ITGB7: variants seen among roughly 807,000 people sequenced by gnomAD.
ITGB7 encodes integrin beta-7.
Under a neutral mutation model 83.4 loss-of-function variants are expected in ITGB7, and 55 were observed. That is an observed-to-expected ratio of 0.66 (90% CI 0.53 to 0.83). The LOEUF is 0.83. Ranked by LOEUF, ITGB7 falls within the 40% of genes least tolerant of loss-of-function variation. The pLI is 0.00. For synonymous variants in ITGB7, 454 were observed against 423.6 expected (o/e 1.07, Z -0.88); for missense variants, 921 against 1,046.7 (o/e 0.88, Z 1.66).
At chr12:53,198,831 C>T (rs893465218) in intron 3 of ITGB7, among the ~76,000 whole-genome samples, 1 of 152,206 alleles carries the variant, frequency 6.6e-6, no homozygotes, top group Non-Finnish European at 1.5e-5. Context: ...GAAGAGGAGG[C>T]GTCCTCCCCA....
At chr12:53,202,797 C>T (rs1942350053) in intron 1 of ITGB7, among the ~76,000 whole-genome samples, 2 of 152,066 alleles carry the variant, frequency 1.3e-5, no homozygotes, top group South Asian at 2.1e-4. Flanking sequence ...CCCGTCTCTA[C>T]TAAAAATACA....
Position 53,195,640 on chromosome 12 carries a change from G to C in ITGB7, c.1057C>G (p.Leu353Val). 2 of 1,613,862 alleles carry C rather than the reference G, an allele frequency of 1.2e-6. No homozygotes were observed. The highest frequency in any genetic ancestry group is 1.1e-5 in the South Asian group (1 of 91,076). Residue 353 changes from leucine (L) to valine (V), a missense_variant, in exon 8 of 16, where the codon CTG (leucine) becomes GTG (valine). By Grantham distance (32) the Leu-to-Val change is conservative. Coordinates refer to ENST00000267082, the MANE Select transcript of ITGB7 (RefSeq NM_000889.3). ...ACAGCTCTCACCTGGTAGACAGGCA[G>C]TGCGGCACTGGTGACAGCAAAGATG... ...QPIFAVTSAA[L>V]PVYQELSKLI... is the part of the protein sequence containing the mutation.
Position 53,196,806 on chromosome 12 carries a change from C to T in ITGB7, c.589G>A (p.Val197Met). ...ACAAAGGGCAGCACCGTTTTGTCCA[C>T]AAAGGAACCAAAACCTGGGAGAGGA... ...HSVRIGFGSF[V>M]DKTVLPFVST... Residue 197 changes from valine to methionine, a missense_variant, in exon 6 of 16, where the codon GTG (valine) becomes ATG (methionine). Physicochemically the swap from Val to Met is conservative, Grantham distance 21 (BLOSUM62 1). Coordinates refer to ENST00000267082, the MANE Select transcript of ITGB7 (RefSeq NM_000889.3). 1 of 1,596,226 alleles carries T rather than the reference C, an allele frequency of 6.3e-7. No individual in the cohort carries two copies. Among genetic ancestry groups the T allele is most frequent in the Non-Finnish European group, 8.6e-7 (1 of 1,165,758 alleles).
intron 1 of ITGB7, among the ~76,000 whole-genome samples, chr12:53,202,054 C>A (rs151236118): frequency 2.0e-5 from 3 of 152,144 alleles, no homozygotes; most frequent in East Asian, 3.9e-4. Context: ...ATGAGAAAAA[C>A]TGTCTTCAAA....
intron 10 of ITGB7, 134 bp downstream of exon 10, chr12:53,194,064 A>G: frequency 7.1e-7 from 1 of 1,408,782 alleles, no homozygotes; most frequent in East Asian, 2.3e-5. Flanking sequence ...AGACTGCTCC[A>G]GGAAGGATGG....
At chr12:53,205,140 T>C (rs1299731277) in intron 1 of ITGB7, among the ~76,000 whole-genome samples, 1 of 151,986 alleles carries the variant, frequency 6.6e-6, no homozygotes, top group Non-Finnish European at 1.5e-5. Flanking sequence ...TTGTTTCTAG[T>C]TCCCTATGAC....
intron 5 of ITGB7, chr12:53,197,048 C>T: frequency 5.1e-6 from 3 of 586,082 alleles, no homozygotes; most frequent in Non-Finnish European, 9.1e-6. Flanking sequence ...CAAATGGGAA[C>T]TTCCAGAAGG....
At chr12:53,196,946 G>T in intron 5 of ITGB7, 126 bp from the exon 6 acceptor site, 1 of 1,120,878 alleles carries the variant, frequency 8.9e-7, no homozygotes, top group Non-Finnish European at 1.3e-6. Context: ...CTAGGGGGCA[G>T]GGACCTGGTA....
Position 53,197,984 on chromosome 12 carries a change from G to C in ITGB7, c.202-33C>G, listed in dbSNP as rs984836628. 8 of 1,512,816 alleles carry C rather than the reference G, an allele frequency of 5.3e-6. No homozygotes were observed. The African/African-American group carries it at 1.1e-4, about 21-fold the overall frequency. 93.7% of individuals were successfully genotyped at this position (1,512,816 alleles called of 1,614,324 possible). On this transcript the variant is annotated intron_variant, in intron 3 of 15. Coordinates refer to ENST00000267082, the MANE Select transcript of ITGB7 (RefSeq NM_000889.3). Reference sequence around the variant, plus strand: ...GCAAGAAAAGGCGCGTCGGGACCCGGTCCTGCATAGGCCCTGGGCCCCGCT... The same window carrying C: ...GCAAGAAAAGGCGCGTCGGGACCCGCTCCTGCATAGGCCCTGGGCCCCGCT...
chr12:53,203,647 CAA>C (rs1158624130), intron 1 of ITGB7, among the ~76,000 whole-genome samples: 10 of 51,060 alleles, frequency 2.0e-4, no homozygotes, highest in African/African-American at 3.7e-4. Flanking sequence ...GACCCTGTCT[CAA>C]AAAAAAAAAA....
intron 9 of ITGB7, chr12:53,195,153 C>T (rs976548617): frequency 3.6e-6 from 2 of 563,228 alleles, no homozygotes; most frequent in African/African-American, 3.8e-5. Context: ...CTTTCTTGCC[C>T]AGAGCAGAGC....
intron 1 of ITGB7, chr12:53,206,828 G>A (rs1942453633): frequency 6.6e-6 from 1 of 152,322 alleles, no homozygotes. Flanking sequence ...ATTAGGGATA[G>A]CAGCTGGGGG....
At position 53,193,732 on chromosome 12, in the gene ITGB7, C is replaced by G; in HGVS notation, c.1478G>C (p.Gly493Ala). The G allele has an allele frequency of 6.2e-7, 1 of 1,613,392 alleles. No homozygotes were observed. Among genetic ancestry groups the G allele is most frequent in the Non-Finnish European group, 8.5e-7 (1 of 1,179,646 alleles). ...PQAPHCSDGQ[G>A]HLQCGVCSCA... ...CCTGCATACACCACATTGTAGGTGT[C>G]CCTGGCCATCACTGCAGTGGGGAGC... The change falls in exon 11 of 16, where the codon GGA (glycine) becomes GCA (alanine). Residue 493 changes from glycine to alanine, a missense_variant. Transcript: ENST00000267082.
chr12:53,192,942 A>G (rs768563900), intron 12 of ITGB7, 32 bp from the exon 13 acceptor site: 4 of 1,598,414 alleles, frequency 2.5e-6, no homozygotes, highest in African/African-American at 2.7e-5. Context: ...GGTGACAACC[A>G]TACTCCACAC....
intron 2 of ITGB7, 58 bp from the exon 3 acceptor site, chr12:53,200,504 A>C: frequency 6.9e-7 from 1 of 1,454,908 alleles, no homozygotes; most frequent in Non-Finnish European, 9.6e-7. Context: ...TCAAACTCTC[A>C]GTCCTCTAAA....
chr12:53,192,164 C>T (rs1217081241), intron 14 of ITGB7, 145 bp from the exon 15 acceptor site: 4 of 1,217,948 alleles, frequency 3.3e-6, no homozygotes, highest in African/African-American at 3.0e-5. Context: ...TCCTCACCGC[C>T]CAGGGCCTTA....
chr12:53,206,137 C>G (rs942228943), intron 1 of ITGB7, among the ~76,000 whole-genome samples: 4 of 152,320 alleles, frequency 2.6e-5, no homozygotes, highest in African/African-American at 9.6e-5. Context: ...CCTCTCTTCT[C>G]CCCTCCTTGA....
At chr12:53,196,304 C>A in intron 6 of ITGB7, 105 bp from the exon 7 acceptor site, 1 of 1,362,474 alleles carries the variant, frequency 7.3e-7, no homozygotes. Context: ...TCTGAGTCAG[C>A]TTGTCCATCC....
intron 3 of ITGB7, among the ~76,000 whole-genome samples, chr12:53,199,466 G>T (rs1942268149): frequency 6.6e-6 from 1 of 152,086 alleles, no homozygotes; most frequent in Middle Eastern, 3.4e-3. Flanking sequence ...CACAGACTTA[G>T]AAATCTAACC....
Sources: gnomAD v4.1 joint callset for allele counts (sites outside exome capture counted in the v4.1 genomes callset) on GRCh38, gnomAD v4.1.1 for gene constraint, MANE v1.5 for transcripts, NCBI Gene and HGNC (gene_info 2026-07-23, HGNC 2026-07-21) for gene names.